The following ERC1 variants were observed in gnomAD, a reference collection of about 807,000 sequenced individuals.
ERC1 encodes RAB6 interacting protein 2.
In ERC1, 56 loss-of-function variants were observed where a neutral mutation model predicts 132.0. That is an observed-to-expected ratio of 0.42 (90% confidence interval 0.34 to 0.53). The LOEUF (loss-of-function observed/expected upper bound fraction) is 0.53. ERC1 is among the 20% of genes least tolerant of loss of function. ERC1 has a pLI of 0.03. For missense variants in ERC1, 1,202 were observed against 1,349.9 expected, an observed-to-expected ratio of 0.89 and a Z score of 1.72; for synonymous variants, 478 against 476.1, an observed-to-expected ratio of 1.00 and a Z score of -0.05.
intron 17 of ERC1, among the ~76,000 whole-genome samples, chr12:1,437,872 CT>C (rs139243099): frequency 0.018 from 2,802 of 152,290 alleles, 36 homozygotes; most frequent in Non-Finnish European, 0.025. Flanking sequence ...AAAAATGATT[CT>C]CATGTTTCTT....
chr12:1,144,030 T>C (rs1950106246), intron 8 of ERC1, among the ~76,000 whole-genome samples: 1 of 152,166 alleles, frequency 6.6e-6, no homozygotes, highest in Non-Finnish European at 1.5e-5. Context: ...ATAATAATTA[T>C]CTTCCTGTGT....
At chr12:1,413,368 C>T (rs1339291330) in intron 17 of ERC1, among the ~76,000 whole-genome samples, 1 of 152,160 alleles carries the variant, frequency 6.6e-6, no homozygotes, top group Non-Finnish European at 1.5e-5. Context: ...CCGAGGCAGG[C>T]AGATTGGTTG....
rs191071135 is a variant in ERC1, at chr12:1,320,558, A to G, written c.2780+30546A>G. 3.8e-3 allele frequency among the ~76,000 whole-genome samples: 584 copies of G among 152,340 alleles called. 6 individuals carry two copies. The highest frequency in any genetic ancestry group is 0.014 in the African/African-American group (564 of 41,562). ...ATTCAATGCTACAGAATTTTAACAAATTTGTAATGCAGAATTTTCATAAGT... is the reference window on the plus strand; with the variant it reads ...ATTCAATGCTACAGAATTTTAACAAGTTTGTAATGCAGAATTTTCATAAGT... On this transcript the variant is annotated intron_variant, in intron 15 of 18. Coordinates refer to ENST00000360905, the MANE Select transcript of ERC1 (RefSeq NM_178040.4).
chr12:1,100,359 A>G (rs1449927131), intron 3 of ERC1, among the ~76,000 whole-genome samples: 1 of 152,222 alleles, frequency 6.6e-6, no homozygotes, highest in Non-Finnish European at 1.5e-5. Flanking sequence ...AGAGCCTTCT[A>G]GGTCAGCATA....
intron 18 of ERC1, among the ~76,000 whole-genome samples, chr12:1,464,586 C>G (rs1394124072): frequency 1.6e-5 from 2 of 127,034 alleles, no homozygotes; most frequent in African/African-American, 5.9e-5. Context: ...GTGGAGCGAT[C>G]TCAGCTCACT....
intron 2 of ERC1, among the ~76,000 whole-genome samples, chr12:1,034,686 T>C (rs1483628449): frequency 6.6e-6 from 1 of 152,352 alleles, no homozygotes; most frequent in South Asian, 2.1e-4. Context: ...GTTTTTATTA[T>C]GAAGTGACTC....
chr12:1,018,919 T>G (rs999761874), intron 1 of ERC1, among the ~76,000 whole-genome samples: 1 of 152,168 alleles, frequency 6.6e-6, no homozygotes, highest in Non-Finnish European at 1.5e-5. Context: ...CTGTTGAACT[T>G]AGTTTGGAAA....
intron 17 of ERC1, among the ~76,000 whole-genome samples, chr12:1,441,666 A>G (rs1490240937): frequency 6.6e-6 from 1 of 152,210 alleles, no homozygotes; most frequent in African/African-American, 2.4e-5. Flanking sequence ...GAATGGGAAT[A>G]AATTGCACAA....
In ERC1 at chr12:1,400,365, C is replaced by T. The variant is rs193044399; in HGVS notation, c.2926-7784C>T. ...TTATAAATATGTTCTCCCATCCTGT[C>T]GTTCTCTTTTCACTTTCTTGTTGAT... On this transcript the variant is annotated intron_variant, in intron 16 of 18. Transcript: ENST00000360905. Among the ~76,000 whole-genome samples the T allele has an allele frequency of 3.9e-5, 6 of 152,210 alleles. No homozygotes were observed. The East Asian group carries it at 7.7e-4, about 20-fold the overall frequency.
chr12:1,093,119 A>C (rs957769638), intron 3 of ERC1, among the ~76,000 whole-genome samples: 20 of 152,126 alleles, frequency 1.3e-4, no homozygotes, highest in Admixed American at 1.2e-3. Context: ...TGGCATTTGT[A>C]GCTATTAGTA....
intron 13 of ERC1, among the ~76,000 whole-genome samples, chr12:1,260,174 A>G (rs1285672210): frequency 7.9e-5 from 12 of 152,288 alleles, no homozygotes; most frequent in Admixed American, 2.0e-4. Context: ...TTCAACTCCC[A>G]TATTTGATTG....
At chr12:1,394,033 A>G in intron 16 of ERC1, among the ~76,000 whole-genome samples, 1 of 124,298 alleles carries the variant, frequency 8.0e-6, no homozygotes. Context: ...AAAAAAAAAA[A>G]CAAAAAAAAA....
At chr12:1,375,926 C>CG (rs1337770696) in intron 16 of ERC1, among the ~76,000 whole-genome samples, 9 of 151,814 alleles carry the variant, frequency 5.9e-5, no homozygotes, top group African/African-American at 2.2e-4. Context: ...TTAGTAGAGA[C>CG]GGGGTTTCAC....
chr12:1,046,102 T>C (rs1333073120), intron 2 of ERC1, among the ~76,000 whole-genome samples: 1 of 152,122 alleles, frequency 6.6e-6, no homozygotes, highest in African/African-American at 2.4e-5. Flanking sequence ...TGGGGGAGAC[T>C]GGCATAGGAT....
chr12:1,290,724 A>G (rs1020675546), intron 15 of ERC1, among the ~76,000 whole-genome samples: 3 of 151,102 alleles, frequency 2.0e-5, no homozygotes, highest in Non-Finnish European at 2.9e-5. Context: ...CCCTACTGCT[A>G]TTTTACTGAA....
chr12:1,144,661 T>A (rs1950185849), intron 8 of ERC1, among the ~76,000 whole-genome samples: 1 of 149,286 alleles, frequency 6.7e-6, no homozygotes, highest in Admixed American at 6.6e-5. Context: ...TATATATATA[T>A]ATACACACCA....
At chr12:1,335,110 C>A (rs1205704244) in intron 15 of ERC1, among the ~76,000 whole-genome samples, 1 of 152,060 alleles carries the variant, frequency 6.6e-6, no homozygotes, top group East Asian at 1.9e-4. Flanking sequence ...TTTTTTATCA[C>A]CTTACGAAGA....
intron 15 of ERC1, among the ~76,000 whole-genome samples, chr12:1,290,364 A>G (rs533088808): frequency 6.6e-6 from 1 of 152,194 alleles, no homozygotes; most frequent in Non-Finnish European, 1.5e-5. Flanking sequence ...GGCAATTTTT[A>G]AACACATTTT....
At chr12:1,240,282 G>A (rs1472223315) in intron 13 of ERC1, among the ~76,000 whole-genome samples, 2 of 152,126 alleles carry the variant, frequency 1.3e-5, no homozygotes, top group South Asian at 2.1e-4. Context: ...GGGAAACATT[G>A]GCCATTTTTT....
Sources: allele counts gnomAD v4.1 joint callset (sites outside exome capture counted in the v4.1 genomes callset), GRCh38; gene constraint gnomAD v4.1.1; transcripts MANE v1.5; gene names NCBI Gene and HGNC (gene_info 2026-07-23, HGNC 2026-07-21).